GP2: variants seen among roughly 807,000 people sequenced by gnomAD.
GP2 encodes the protein glycoprotein 2.
GP2 carries 58 observed loss-of-function variants against 60.8 expected under a neutral mutation model. The ratio of observed to expected loss-of-function variants is 0.95; its 90% CI spans 0.77 to 1.19. GP2 has a LOEUF of 1.19. GP2 is among the 50% of genes most tolerant of loss of function. GP2 has a pLI of 0.00. For synonymous variants in GP2, 280 were observed against 253.4 expected (o/e 1.10, Z -1.00); for missense variants, 647 against 667.4 (o/e 0.97, Z 0.34).
intron 10 of GP2, 99 bp from the exon 11 acceptor site, chr16:20,311,380 G>C: frequency 1.3e-6 from 1 of 764,732 alleles, no homozygotes; most frequent in Non-Finnish European, 2.4e-6. Context: ...GGATGAGAAA[G>C]GCAAAGCATC....
intron 1 of GP2, chr16:20,326,694 G>A: frequency 2.4e-6 from 1 of 419,270 alleles, no homozygotes; most frequent in Admixed American, 4.0e-5. Context: ...GATGGTCCCT[G>A]CTCAGGTGGA....
At chr16:20,323,483 G>C in intron 3 of GP2, 2 of 631,494 alleles carry the variant, frequency 3.2e-6, no homozygotes, top group Non-Finnish European at 5.8e-6. Flanking sequence ...TATTTTTGCT[G>C]TACCCCCCCC....
intron 7 of GP2, 70 bp from the exon 8 acceptor site, chr16:20,317,445 G>T: frequency 1.7e-6 from 2 of 1,205,148 alleles, no homozygotes; most frequent in Non-Finnish European, 2.4e-6. Flanking sequence ...GAGTCCCTCG[G>T]GTTCCCTCCA....
Position 20,318,270 on chromosome 16 carries a change from G to C in GP2, c.1168C>G (p.Arg390Gly). 1 of 1,612,464 alleles carries C rather than the reference G, an allele frequency of 6.2e-7. No homozygotes were observed. The highest frequency in any genetic ancestry group is 1.7e-5 in the Admixed American group (1 of 60,020). The change falls in exon 7 of 11, where the codon CGG becomes GGG. Residue 390 changes from arginine (R) to glycine (G), a missense_variant. By Grantham distance (125) the Arg-to-Gly change is moderately radical (BLOSUM62 -2). Transcript: ENST00000302555. Reference protein sequence around the residue: ...GAILEQGDTSRFNLVLRNCYA... With the variant: ...GAILEQGDTSGFNLVLRNCYA... ...CAGTTCCTCAACACCAGGTTAAACC[G>C]GGAGGTGTCCCCTTGTTCCAAGATG...
chr16:20,317,057 C>T (rs1408493147), intron 8 of GP2, among the ~76,000 whole-genome samples, 156 bp downstream of exon 8: 1 of 150,880 alleles, frequency 6.6e-6, no homozygotes, highest in Non-Finnish European at 1.5e-5. Context: ...TTCCCGTTCT[C>T]TTTCCCCTTC....
chr16:20,319,679 T>C lies in GP2; in HGVS notation c.948A>G (p.Gln316=). 3.7e-6 allele frequency: 6 copies of C among 1,607,126 alleles called. No homozygotes were observed. Among genetic ancestry groups the C allele is most frequent in the Non-Finnish European group, 5.1e-6 (6 of 1,173,644 alleles). Residue 316 remains glutamine, a synonymous_variant, in exon 6 of 11, where the codon CAA becomes CAG. Transcript: ENST00000302555. The part of the protein sequence containing the change: ...IRDTILNINF[Q]CAYPLDMKVS... ...CTTTCATGTCCAGTGGGTAGGCACA[T>C]TGGAAGTTGATGTTGAGGATGGTGT...
intron 4 of GP2, among the ~76,000 whole-genome samples, chr16:20,321,103 T>G (rs1012689562): frequency 3.3e-5 from 5 of 149,458 alleles, no homozygotes; most frequent in South Asian, 2.1e-4. Flanking sequence ...CAGGCTGGAG[T>G]GCAGTGGTCC....
intron 10 of GP2, 87 bp downstream of exon 10, chr16:20,314,570 A>G (rs2141593643): frequency 1.1e-6 from 1 of 910,682 alleles, no homozygotes; most frequent in Non-Finnish European, 1.9e-6. Flanking sequence ...TGTCCCTAGC[A>G]TAGGGTCTGG....
Position 20,318,246 on chromosome 16 carries a change from A to C in GP2, c.1192T>G (p.Cys398Gly), listed in dbSNP as rs1352212151. The change falls in exon 7 of 11, where the codon TGC becomes GGC. Residue 398 changes from cysteine (C) to glycine (G), a missense_variant. Cys to Gly is a radical substitution (Grantham distance 159, BLOSUM62 -3). Coordinates refer to ENST00000302555, the MANE Select transcript of GP2 (RefSeq NM_001502.4). ...TTGTCTTCAGTGGGGGTGGCATAGC[A>C]GTTCCTCAACACCAGGTTAAACCGG... ...TSRFNLVLRN[C>G]YATPTEDKAD... The C allele has an allele frequency of 2.5e-6, 4 of 1,611,638 alleles. No individual in the cohort carries two copies. The African/African-American group carries it at 4.0e-5, about 16-fold the overall frequency.
intron 2 of GP2, 183 bp downstream of exon 2, chr16:20,326,155 C>A (rs755443329): frequency 3.3e-5 from 20 of 599,836 alleles, no homozygotes; most frequent in East Asian, 5.6e-5. Context: ...TGATTAGGCT[C>A]TTTGAGAGAT....
chr16:20,325,769 A>G (rs1249835163), intron 2 of GP2, among the ~76,000 whole-genome samples: 2 of 152,202 alleles, frequency 1.3e-5, no homozygotes, highest in Non-Finnish European at 2.9e-5. Context: ...GCCTTTCAGA[A>G]AAAAAGATTT....
intron 2 of GP2, 169 bp downstream of exon 2, chr16:20,326,169 G>T: frequency 3.3e-6 from 2 of 611,890 alleles, no homozygotes; most frequent in Non-Finnish European, 5.8e-6. Flanking sequence ...GAGAGATTGT[G>T]ACTTGATTTC....
At chr16:20,321,139 C>T (rs1964345993) in intron 4 of GP2, among the ~76,000 whole-genome samples, 1 of 151,678 alleles carries the variant, frequency 6.6e-6, no homozygotes, top group Non-Finnish European at 1.5e-5. Context: ...CAACCTCTGC[C>T]TCCTGGATTC....
chr16:20,319,531 T>A, intron 6 of GP2, 89 bp downstream of exon 6: 1 of 856,928 alleles, frequency 1.2e-6, no homozygotes, highest in East Asian at 2.5e-5. Flanking sequence ...GCTGGCAGTA[T>A]GGTGTGGACA....
intron 6 of GP2, 28 bp downstream of exon 6, chr16:20,319,592 G>C: frequency 6.3e-7 from 1 of 1,574,864 alleles, no homozygotes; most frequent in East Asian, 2.2e-5. Context: ...CAGGGTTATG[G>C]GTCAAAGGGC....
At chr16:20,314,186 C>T (rs1182126895) in intron 10 of GP2, among the ~76,000 whole-genome samples, 1 of 150,584 alleles carries the variant, frequency 6.6e-6, no homozygotes, top group Admixed American at 6.6e-5. Flanking sequence ...CACATATATA[C>T]CTATGTAACA....
At chr16:20,313,035 A>G (rs1964037345) in intron 10 of GP2, among the ~76,000 whole-genome samples, 1 of 152,130 alleles carries the variant, frequency 6.6e-6, no homozygotes, top group Admixed American at 6.6e-5. Flanking sequence ...CACGGAACAT[A>G]GAGAGTCCAT....
intron 4 of GP2, among the ~76,000 whole-genome samples, chr16:20,321,055 T>A (rs75230831): frequency 6.6e-6 from 1 of 151,258 alleles, no homozygotes; most frequent in Non-Finnish European, 1.5e-5. Context: ...GTCTCTCTTT[T>A]TTTTTTTTTT....
At chr16:20,322,720 T>A (rs1964402599) in intron 4 of GP2, 149 bp downstream of exon 4, 1 of 562,626 alleles carries the variant, frequency 1.8e-6, no homozygotes, top group African/African-American at 1.9e-5. Context: ...CCACTGGCTT[T>A]ACAGCAAATG....
Sources: allele counts gnomAD v4.1 joint callset (sites outside exome capture counted in the v4.1 genomes callset), GRCh38; gene constraint gnomAD v4.1.1; transcripts MANE v1.5; gene names NCBI Gene and HGNC (gene_info 2026-07-23, HGNC 2026-07-21).